Variants in UBE2D2 observed in about 807,000 individuals in gnomAD.
UBE2D2 encodes the protein ubiquitin-conjugating enzyme E2 D2.
UBE2D2 carries 2 observed loss-of-function variants against 24.2 expected under a neutral mutation model. The ratio of observed to expected loss-of-function variants is 0.08; its 90% CI spans 0.03 to 0.26. The LOEUF is 0.26. UBE2D2 is among the 10% of genes least tolerant of loss of function. The pLI, the probability that UBE2D2 is intolerant of heterozygous loss-of-function variation, is 1.00. For missense variants in UBE2D2, 44 were observed against 177.6 expected (o/e 0.25, Z 4.28); for synonymous variants, 58 against 56.5 (o/e 1.03, Z -0.12).
intron 1 of UBE2D2, among the ~76,000 whole-genome samples, chr5:139,573,180 T>C (rs540053399): frequency 5.3e-5 from 8 of 151,596 alleles, no homozygotes; most frequent in African/African-American, 1.9e-4. Flanking sequence ...TGGGCACCTG[T>C]AGTCCCAGCT....
At chr5:139,593,831 G>A (rs887919423) in intron 1 of UBE2D2, among the ~76,000 whole-genome samples, 3 of 152,080 alleles carry the variant, frequency 2.0e-5, no homozygotes, top group Non-Finnish European at 2.9e-5. Context: ...GACCAGGCTG[G>A]TCTGGAGCTC....
chr5:139,533,518 C>G (rs1403241530), intron 1 of UBE2D2, among the ~76,000 whole-genome samples: 1 of 151,610 alleles, frequency 6.6e-6, no homozygotes, highest in African/African-American at 2.4e-5. Context: ...GGCGTGGTGT[C>G]TGGCGCCGTT....
chr5:139,561,964 T>C, intron 1 of UBE2D2, 149 bp downstream of exon 1: 1 of 1,145,862 alleles, frequency 8.7e-7, no homozygotes, highest in Non-Finnish European at 1.2e-6. Flanking sequence ...CCACTCCCAG[T>C]GATGGCGCCC....
chr5:139,621,908 C>T (rs2126708498), intron 5 of UBE2D2, among the ~76,000 whole-genome samples: 1 of 152,326 alleles, frequency 6.6e-6, no homozygotes, highest in Non-Finnish European at 1.5e-5. Flanking sequence ...CAGGAGTGAG[C>T]CATCGCACTT....
chr5:139,601,028 C>T (rs573184298), intron 2 of UBE2D2, among the ~76,000 whole-genome samples: 2 of 152,322 alleles, frequency 1.3e-5, no homozygotes, highest in East Asian at 3.9e-4. Context: ...GTCTCAAACT[C>T]CTGGCCTCAG....
At chr5:139,580,823 A>G (rs1753586570) in intron 1 of UBE2D2, among the ~76,000 whole-genome samples, 1 of 152,164 alleles carries the variant, frequency 6.6e-6, no homozygotes, top group South Asian at 2.1e-4. Context: ...TCGGGATGCT[A>G]AGGCAGTATT....
intron 1 of UBE2D2, among the ~76,000 whole-genome samples, chr5:139,567,260 C>A (rs1195943265): frequency 6.6e-6 from 1 of 152,002 alleles, no homozygotes; most frequent in East Asian, 1.9e-4. Flanking sequence ...CCACCACGCC[C>A]AGCTAATTTT....
At chr5:139,614,061 CAA>C (rs34610126) in intron 2 of UBE2D2, among the ~76,000 whole-genome samples, 1,354 of 89,182 alleles carry the variant, frequency 0.015, 13 homozygotes, top group African/African-American at 0.043. Context: ...GACTCTGTCT[CAA>C]AAAAAAAAAA....
Position 139,592,727 on chromosome 5 carries a change from C to T in UBE2D2, c.25-7645C>T, listed in dbSNP as rs112343792. Among the ~76,000 whole-genome samples, 563 of 149,032 alleles carry T rather than the reference C, an allele frequency of 3.8e-3. 4 individuals carry two copies. The highest frequency in any genetic ancestry group is 0.013 in the African/African-American group (542 of 40,440). Reference sequence around the variant, plus strand: ...AAGCGATTCTCCTGCCTCAGCCTCCCGAGTAGCTGGGACTACAGGCACGTG... The same window carrying T: ...AAGCGATTCTCCTGCCTCAGCCTCCTGAGTAGCTGGGACTACAGGCACGTG... On this transcript the variant is annotated intron_variant, in intron 1 of 6. Coordinates refer to ENST00000398733, the MANE Select transcript of UBE2D2 (RefSeq NM_003339.3).
In UBE2D2 at chr5:139,570,402, G is replaced by A. The variant is rs983937491; in HGVS notation, c.24+8587G>A. On this transcript the variant is annotated intron_variant, in intron 1 of 6. Transcript: ENST00000398733. ...GTCGCCCAGGCTGAAGTGCAGTTGT[G>A]CAATCTCGGCTCACCGCAACCTCTG... Among the ~76,000 whole-genome samples, 13 of 152,274 alleles carry A rather than the reference G, an allele frequency of 8.5e-5. No homozygotes were observed. In the South Asian group the frequency reaches 1.4e-3, roughly 17 times the overall value.
At chr5:139,574,583 C>T (rs930969149) in intron 1 of UBE2D2, among the ~76,000 whole-genome samples, 3 of 152,000 alleles carry the variant, frequency 2.0e-5, no homozygotes, top group African/African-American at 7.2e-5. Flanking sequence ...AGAATCGTTT[C>T]TTAGTGTGTA....
rs375664132 is a variant in UBE2D2, at chr5:139,612,685, A to G, written c.89-1901A>G. On this transcript the variant is annotated intron_variant, in intron 2 of 6. Transcript: ENST00000398733. Reference sequence around the variant, plus strand: ...TTAGTCTTGTTATTGGGGGTTGTTAATTCTAGTTATCAATGTTTTATTTAC... The same window carrying G: ...TTAGTCTTGTTATTGGGGGTTGTTAGTTCTAGTTATCAATGTTTTATTTAC... 3.3e-5 allele frequency among the ~76,000 whole-genome samples: 5 copies of G among 152,292 alleles called. No individual in the cohort carries two copies. The East Asian group carries it at 5.8e-4, about 18-fold the overall frequency.
intron 1 of UBE2D2, among the ~76,000 whole-genome samples, chr5:139,582,977 CTTT>C (rs568361893): frequency 1.5e-5 from 2 of 130,028 alleles, no homozygotes. Flanking sequence ...GCTTTTTTTT[CTTT>C]TTTTTTTTTT....
chr5:139,564,156 T>C (rs1753168199), intron 1 of UBE2D2, among the ~76,000 whole-genome samples: 1 of 152,164 alleles, frequency 6.6e-6, no homozygotes, highest in Admixed American at 6.6e-5. Context: ...TTAGAAATAA[T>C]TTGAACTTTT....
At chr5:139,535,980 C>T (rs866173804) in intron 1 of UBE2D2, among the ~76,000 whole-genome samples, 3 of 151,438 alleles carry the variant, frequency 2.0e-5, no homozygotes, top group South Asian at 4.2e-4. Flanking sequence ...GCAACCTCTG[C>T]CTGCCAGGTT....
chr5:139,591,966 G>A (rs533870051), intron 1 of UBE2D2, among the ~76,000 whole-genome samples: 11 of 152,240 alleles, frequency 7.2e-5, no homozygotes, highest in Admixed American at 2.0e-4. Context: ...TTGGGAGGCC[G>A]AGGCGGGCGG....
chr5:139,536,583 T>C (rs1304167876), intron 1 of UBE2D2, among the ~76,000 whole-genome samples: 2 of 152,094 alleles, frequency 1.3e-5, no homozygotes, highest in Non-Finnish European at 2.9e-5. Flanking sequence ...CTGGAACTCC[T>C]GAGCTCAGGC....
rs1261322147 is a variant in UBE2D2 at position 139,628,047 on chromosome 5, A to G, written c.*1246A>G. The G allele has an allele frequency of 6.6e-6, 1 of 152,636 alleles. No individual in the cohort carries two copies. Among genetic ancestry groups the G allele is most frequent in the African/African-American group, 2.4e-5 (1 of 41,456 alleles). The allele number at this position is 152,636 out of a possible 1,614,324, so 9.5% of individuals were successfully genotyped here. ...AGAGGCATTGCTATTTGGTAAGTTA[A>G]GCTTCTGTGATTGTAATTATAAAAG... On this transcript the variant is annotated 3_prime_UTR_variant, in exon 7 of 7. Transcript: ENST00000398733.
intron 1 of UBE2D2, among the ~76,000 whole-genome samples, chr5:139,575,475 A>G (rs936810237): frequency 1.3e-5 from 2 of 152,238 alleles, no homozygotes; most frequent in Admixed American, 1.3e-4. Flanking sequence ...ATGAAGTCTT[A>G]TAATATTTCT....
Sources: allele counts gnomAD v4.1 joint callset (sites outside exome capture counted in the v4.1 genomes callset), GRCh38; gene constraint gnomAD v4.1.1; transcripts MANE v1.5; gene names NCBI Gene and HGNC (gene_info 2026-07-23, HGNC 2026-07-21).